The following FARS2 variants were observed in gnomAD, a reference collection of about 807,000 sequenced individuals.
FARS2 encodes phenylalanyl-tRNA synthetase 2, mitochondrial.
FARS2 carries 40 observed loss-of-function variants against 46.4 expected under a neutral mutation model. The observed-to-expected ratio is 0.86, with a 90% CI of 0.67 to 1.12. FARS2 has a LOEUF of 1.12. FARS2 is among the 50% of genes most tolerant of loss of function. The pLI is 0.00. For missense variants in FARS2, 513 were observed against 567.9 expected, an observed-to-expected ratio of 0.90 and a Z score of 0.98; for synonymous variants, 234 against 214.9, an observed-to-expected ratio of 1.09 and a Z score of -0.78.
upstream of FARS2, chr6:5,260,635 C>T (rs1193582675): frequency 5.0e-6 from 7 of 1,408,934 alleles, no homozygotes; most frequent in Non-Finnish European, 6.7e-6. Context: ...GCCCCCGGTG[C>T]CCGCTGGGTC....
chr6:5,572,172 T>TGG (rs1380179196), intron 5 of FARS2, among the ~76,000 whole-genome samples: 1 of 152,166 alleles, frequency 6.6e-6, no homozygotes, highest in Admixed American at 6.5e-5. Flanking sequence ...ACAGTTCTGC[T>TGG]GGCTATTCAG....
In FARS2 at chr6:5,536,716, C is replaced by T. The variant is rs1770226295; in HGVS notation, c.905-8464C>T. Among the ~76,000 whole-genome samples the T allele has an allele frequency of 2.0e-5, 3 of 152,122 alleles. No individual in the cohort carries two copies. In the South Asian group the frequency reaches 6.2e-4, roughly 32 times the overall value. ...CTCAAGTAAGGATTTTACTCTGTCT[C>T]CAAAAGGTTAAATAGGTCACTGATT... On this transcript the variant is annotated intron_variant, in intron 4 of 6. Coordinates refer to ENST00000274680, the MANE Select transcript of FARS2 (RefSeq NM_006567.5).
At chr6:5,460,158 T>C (rs1765162062) in intron 4 of FARS2, among the ~76,000 whole-genome samples, 1 of 152,234 alleles carries the variant, frequency 6.6e-6, no homozygotes, top group Admixed American at 6.5e-5. Flanking sequence ...TCAGTCTTTT[T>C]TTGTCTGCTT....
intron 2 of FARS2, among the ~76,000 whole-genome samples, chr6:5,399,857 G>C (rs1179271150): frequency 6.6e-6 from 1 of 152,100 alleles, no homozygotes; most frequent in Non-Finnish European, 1.5e-5. Context: ...GTAGACCATA[G>C]TTTATTTAAC....
At chr6:5,629,696 G>A (rs1383845629) in intron 6 of FARS2, among the ~76,000 whole-genome samples, 1 of 152,148 alleles carries the variant, frequency 6.6e-6, no homozygotes, top group African/African-American at 2.4e-5. Context: ...CCAAGGGTAA[G>A]GTTGGTGGTT....
chr6:5,603,092 GT>G (rs1774632750), intron 5 of FARS2, among the ~76,000 whole-genome samples: 1 of 152,034 alleles, frequency 6.6e-6, no homozygotes, highest in African/African-American at 2.4e-5. Context: ...GGGCCACTCT[GT>G]TTTTTATTGT....
chr6:5,742,295 T>TA (rs1561833110), intron 6 of FARS2, among the ~76,000 whole-genome samples: 2 of 152,214 alleles, frequency 1.3e-5, no homozygotes, highest in Non-Finnish European at 1.5e-5. Context: ...TCCCATCTCT[T>TA]ACTTTGAAAC....
chr6:5,392,957 TA>T (rs1760664534), intron 2 of FARS2, among the ~76,000 whole-genome samples: 2 of 119,882 alleles, frequency 1.7e-5, no homozygotes, highest in Non-Finnish European at 3.8e-5. Context: ...TATATACACA[TA>T]AAATATATTG....
chr6:5,285,820 C>T (rs752635935), intron 1 of FARS2, among the ~76,000 whole-genome samples: 1 of 152,216 alleles, frequency 6.6e-6, no homozygotes, highest in Admixed American at 6.5e-5. Context: ...TGAGAGGCCT[C>T]GCGGCATTCC....
intron 6 of FARS2, among the ~76,000 whole-genome samples, chr6:5,671,945 C>T (rs565663563): frequency 8.5e-5 from 13 of 152,294 alleles, no homozygotes; most frequent in Admixed American, 3.9e-4. Context: ...TTCCGATCAT[C>T]GTGAGGAACG....
At position 5,753,646 on chromosome 6, in the gene FARS2, G is replaced by A. The variant is rs1020147633; in HGVS notation, c.1218-17645G>A. On this transcript the variant is annotated intron_variant, in intron 6 of 6. Coordinates refer to ENST00000274680, the MANE Select transcript of FARS2 (RefSeq NM_006567.5). Reference sequence around the variant, plus strand: ...CTATCTGTTGAAAAGGGAACAGCACGTCTGTCTTCTCTCTCTGCTCTGTTT... The same window carrying A: ...CTATCTGTTGAAAAGGGAACAGCACATCTGTCTTCTCTCTCTGCTCTGTTT... 3.9e-5 allele frequency among the ~76,000 whole-genome samples: 6 copies of A among 152,190 alleles called. No homozygotes were observed. The South Asian group carries it at 6.2e-4, about 16-fold the overall frequency.
In FARS2 at chr6:5,545,276, G is replaced by T; in HGVS notation, c.1001G>T (p.Cys334Phe). The T allele has an allele frequency of 6.2e-7, 1 of 1,614,130 alleles. No individual in the cohort carries two copies. The highest frequency in any genetic ancestry group is 8.5e-7 in the Non-Finnish European group (1 of 1,179,970). ...YDIPDIRLFWCEDERFLKQFC... is the reference protein window; with the variant it reads ...YDIPDIRLFWFEDERFLKQFC... ...ATCCCTGATATCCGTCTCTTCTGGT[G>T]TGAGGACGAGCGCTTCCTGAAGCAG... Residue 334 changes from cysteine to phenylalanine, a missense_variant, in exon 5 of 7, where the codon TGT (cysteine) becomes TTT (phenylalanine). Coordinates refer to ENST00000274680, the MANE Select transcript of FARS2 (RefSeq NM_006567.5).
rs572353161 is a variant in FARS2, at chr6:5,531,741, C to T, written c.905-13439C>T. On this transcript the variant is annotated intron_variant, in intron 4 of 6. Transcript: ENST00000274680. ...GGCAGAGCTTGGAAAGTCAATCATC[C>T]GGTGGCGAGTCTCCGAGGAAGCAGT... Among the ~76,000 whole-genome samples the T allele has an allele frequency of 2.7e-4, 41 of 152,218 alleles. 1 individual carries two copies. Among genetic ancestry groups the T allele is most frequent in the Non-Finnish European group, 1.8e-4 (12 of 68,012 alleles).
chr6:5,647,358 A>G (rs535374212), intron 6 of FARS2, among the ~76,000 whole-genome samples: 1 of 152,308 alleles, frequency 6.6e-6, no homozygotes, highest in South Asian at 2.1e-4. Flanking sequence ...ATTAGGGCTG[A>G]GAAGGTGAGA....
intron 5 of FARS2, among the ~76,000 whole-genome samples, chr6:5,563,750 A>G (rs563407413): frequency 6.3e-4 from 96 of 152,284 alleles, no homozygotes; most frequent in African/African-American, 2.0e-3. Flanking sequence ...TTTGAGTTAT[A>G]GTATGGAGTA....
intron 1 of FARS2, among the ~76,000 whole-genome samples, chr6:5,321,640 GT>G (rs11357403): frequency 0.69 from 104,330 of 151,990 alleles, 36,623 homozygotes; most frequent in African/African-American, 0.82. Flanking sequence ...TGTCTTCTAT[GT>G]TTTAATTCAT....
chr6:5,367,249 A>G (rs928644776), intron 1 of FARS2, among the ~76,000 whole-genome samples: 1 of 152,270 alleles, frequency 6.6e-6, no homozygotes, highest in Non-Finnish European at 1.5e-5. Flanking sequence ...TCATGAAGTT[A>G]CATATTTTCT....
chr6:5,582,679 T>C (rs917129186), intron 5 of FARS2, among the ~76,000 whole-genome samples: 3 of 152,258 alleles, frequency 2.0e-5, no homozygotes, highest in African/African-American at 7.2e-5. Context: ...GTGTATATAC[T>C]GATGTAAAAC....
chr6:5,518,143 G>T (rs1170478808), intron 4 of FARS2, among the ~76,000 whole-genome samples: 1 of 152,214 alleles, frequency 6.6e-6, no homozygotes, highest in Non-Finnish European at 1.5e-5. Context: ...AGAGGCTGGG[G>T]TACTGGTTGG....
Sources: allele counts gnomAD v4.1 joint callset (sites outside exome capture counted in the v4.1 genomes callset), GRCh38; gene constraint gnomAD v4.1.1; transcripts MANE v1.5; gene names NCBI Gene and HGNC (gene_info 2026-07-23, HGNC 2026-07-21).